ABCA13: variants seen among roughly 807,000 people sequenced by gnomAD.
The protein encoded by ABCA13 is ATP-binding cassette sub-family A member 13.
In ABCA13, 476 loss-of-function variants were observed where a neutral mutation model predicts 478.7. The ratio of observed to expected loss-of-function variants is 0.99; its 90% CI spans 0.92 to 1.07. The LOEUF (loss-of-function observed/expected upper bound fraction) is 1.07, where lower values mean the gene tolerates loss of function less well. Ranked by LOEUF, ABCA13 falls within the 50% of genes least tolerant of loss-of-function variation. The pLI is 0.00. For synonymous variants in ABCA13, 2,252 were observed against 2,158.9 expected (o/e 1.04, Z -1.20); for missense variants, 6,060 against 5,910.6 (o/e 1.03, Z -0.83).
At chr7:48,447,217 A>G (rs1270824040) in intron 42 of ABCA13, among the ~76,000 whole-genome samples, 1 of 152,174 alleles carries the variant, frequency 6.6e-6, no homozygotes, top group Non-Finnish European at 1.5e-5. Flanking sequence ...AGCAACTTTC[A>G]CTAACATATC....
At chr7:48,350,062 T>C (rs1263145756) in intron 29 of ABCA13, among the ~76,000 whole-genome samples, 1 of 152,232 alleles carries the variant, frequency 6.6e-6, no homozygotes, top group African/African-American at 2.4e-5. Flanking sequence ...ATGTCAGCAT[T>C]CATAGCCAAG....
chr7:48,430,460 G>A (rs902466248), intron 42 of ABCA13, among the ~76,000 whole-genome samples: 1 of 152,108 alleles, frequency 6.6e-6, no homozygotes, highest in African/African-American at 2.4e-5. Context: ...TGGATCATGA[G>A]GTCAGGAGAT....
At chr7:48,247,463 T>C (rs1255780929) in intron 13 of ABCA13, among the ~76,000 whole-genome samples, 1 of 152,126 alleles carries the variant, frequency 6.6e-6, no homozygotes, top group African/African-American at 2.4e-5. Flanking sequence ...GCCTTTTGGA[T>C]GATGCCTACG....
intron 23 of ABCA13, among the ~76,000 whole-genome samples, chr7:48,309,033 GCA>G (rs10523187): frequency 0.09 from 12,452 of 137,980 alleles, 579 homozygotes; most frequent in East Asian, 0.18. Flanking sequence ...ACACATGACT[GCA>G]CACACACACA....
At chr7:48,286,379 C>T (rs57076543) in intron 19 of ABCA13, among the ~76,000 whole-genome samples, 14,228 of 152,156 alleles carry the variant, frequency 0.094, 766 homozygotes, top group South Asian at 0.18. Flanking sequence ...TTTTTACTGT[C>T]TCCATAGTTT....
intron 27 of ABCA13, among the ~76,000 whole-genome samples, chr7:48,331,752 G>T (rs955460978): frequency 2.0e-5 from 3 of 152,092 alleles, no homozygotes; most frequent in South Asian, 4.1e-4. Context: ...ATTTTACTGT[G>T]TGTGTGCGTG....
At chr7:48,514,220 T>C (rs986118418) in intron 51 of ABCA13, among the ~76,000 whole-genome samples, 1 of 152,196 alleles carries the variant, frequency 6.6e-6, no homozygotes, top group African/African-American at 2.4e-5. Context: ...ATAATCTTGC[T>C]GTGTGTTGTG....
chr7:48,256,424 T>C (rs570456158), intron 15 of ABCA13, among the ~76,000 whole-genome samples: 1 of 152,304 alleles, frequency 6.6e-6, no homozygotes, highest in South Asian at 2.1e-4. Flanking sequence ...ATATTGATAG[T>C]TTTAGGTTTA....
At chr7:48,209,178 T>C (rs1785305013) in intron 3 of ABCA13, among the ~76,000 whole-genome samples, 1 of 152,082 alleles carries the variant, frequency 6.6e-6, no homozygotes, top group Non-Finnish European at 1.5e-5. Context: ...ATAAATGTAA[T>C]ATTAAATGTA....
intron 31 of ABCA13, among the ~76,000 whole-genome samples, chr7:48,364,512 T>C (rs1022630293): frequency 1.1e-4 from 16 of 152,254 alleles, no homozygotes; most frequent in African/African-American, 3.8e-4. Context: ...CTAGAACTTA[T>C]CCCTTCCCTC....
rs140888786 is a variant in ABCA13, at chr7:48,583,656, A to G, written c.14505+3282A>G. 4.5e-3 allele frequency among the ~76,000 whole-genome samples: 684 copies of G among 152,352 alleles called. 11 individuals are homozygous for G. The highest frequency in any genetic ancestry group is 0.016 in the African/African-American group (663 of 41,580). On this transcript the variant is annotated intron_variant, in intron 56 of 61. Transcript: ENST00000435803. ...TGCATCCCAGTAACTTGCCTGAAGT[A>G]TGGTACAATTTCTAGAGCTTCATGA...
chr7:48,292,505 G>A (rs1352951633), intron 20 of ABCA13, among the ~76,000 whole-genome samples: 4 of 151,934 alleles, frequency 2.6e-5, no homozygotes, highest in South Asian at 4.2e-4. Flanking sequence ...AGTGTCCAGC[G>A]TCTTCCAGTC....
intron 31 of ABCA13, among the ~76,000 whole-genome samples, chr7:48,362,188 C>A (rs1810959216): frequency 6.6e-6 from 1 of 151,970 alleles, no homozygotes; most frequent in Non-Finnish European, 1.5e-5. Context: ...TCGTCTTGAT[C>A]TGTCTTAGAC....
At chr7:48,370,261 G>A (rs796850924) in intron 32 of ABCA13, among the ~76,000 whole-genome samples, 102 of 152,220 alleles carry the variant, frequency 6.7e-4, no homozygotes, top group African/African-American at 2.2e-3. Context: ...AAACTTTGCT[G>A]AATTTATTTA....
At chr7:48,427,539 G>A (rs935435399) in intron 41 of ABCA13, among the ~76,000 whole-genome samples, 1 of 152,176 alleles carries the variant, frequency 6.6e-6, no homozygotes, top group Non-Finnish European at 1.5e-5. Flanking sequence ...GAGGGTCTGG[G>A]AGTTCACAGT....
At chr7:48,472,991 A>G (rs184860518) in intron 45 of ABCA13, among the ~76,000 whole-genome samples, 5 of 152,326 alleles carry the variant, frequency 3.3e-5, no homozygotes, top group Admixed American at 3.3e-4. Flanking sequence ...AGGCCTCACA[A>G]TCATGGTGGA....
intron 29 of ABCA13, among the ~76,000 whole-genome samples, chr7:48,341,604 T>C (rs1554455398): frequency 6.6e-6 from 1 of 151,892 alleles, no homozygotes; most frequent in Non-Finnish European, 1.5e-5. Context: ...CTTTTTGCTT[T>C]TAATCAGTCT....
rs189972909 is a variant in ABCA13 at position 48,228,657 on chromosome 7, C to T, written c.633-1168C>T. Among the ~76,000 whole-genome samples, 383 of 152,290 alleles carry T rather than the reference C, an allele frequency of 2.5e-3. 2 individuals are homozygous for T. The highest frequency in any genetic ancestry group is 8.9e-3 in the African/African-American group (369 of 41,548). ...CAAACTCCCACATTCTGGTGCGTAA[C>T]TCTGAGGATCACAAAATTCTAAATT... On this transcript the variant is annotated intron_variant, in intron 6 of 61. Transcript: ENST00000435803.
At chr7:48,375,457 T>A (rs967587512) in intron 34 of ABCA13, among the ~76,000 whole-genome samples, 1 of 152,214 alleles carries the variant, frequency 6.6e-6, no homozygotes, top group African/African-American at 2.4e-5. Flanking sequence ...ATAGGTCTAA[T>A]AAGCATAAAA....
Sources: gnomAD v4.1 joint callset for allele counts (sites outside exome capture counted in the v4.1 genomes callset) on GRCh38, gnomAD v4.1.1 for gene constraint, MANE v1.5 for transcripts, NCBI Gene and HGNC (gene_info 2026-07-23, HGNC 2026-07-21) for gene names.